The following NAV1 variants were observed in gnomAD, a reference collection of about 807,000 sequenced individuals.
NAV1 encodes neuron navigator 1, also known as pore membrane and/or filament interacting like protein 3.
Under a neutral mutation model 175.2 loss-of-function variants are expected in NAV1, and 18 were observed. The observed-to-expected ratio is 0.10, with a 90% confidence interval of 0.07 to 0.15. The LOEUF (loss-of-function observed/expected upper bound fraction) is 0.15. Ranked by LOEUF, NAV1 falls within the 10% of genes least tolerant of loss-of-function variation. The probability of loss-of-function intolerance (pLI) is 1.00; values close to 1 mark genes in which losing one functional copy is unlikely to be tolerated. For missense variants in NAV1, 1,731 were observed against 2,436.6 expected, an observed-to-expected ratio of 0.71 and a Z score of 6.10; for synonymous variants, 897 against 978.7, an observed-to-expected ratio of 0.92 and a Z score of 1.56.
At chr1:201,649,974 A>G (rs571118253) in intron 1 of NAV1, among the ~76,000 whole-genome samples, 4 of 152,206 alleles carry the variant, frequency 2.6e-5, no homozygotes, top group South Asian at 2.1e-4. Context: ...GATTCTGGCT[A>G]AAAGAAGCGT....
At chr1:201,744,693 A>G (rs1406497139) in intron 3 of NAV1, among the ~76,000 whole-genome samples, 1 of 152,146 alleles carries the variant, frequency 6.6e-6, no homozygotes, top group African/African-American at 2.4e-5. Flanking sequence ...AGGAGGCAGC[A>G]TTTTCTTTAG....
intron 2 of NAV1, among the ~76,000 whole-genome samples, chr1:201,612,070 C>A (rs1571845521): frequency 6.6e-6 from 1 of 152,108 alleles, no homozygotes; most frequent in Non-Finnish European, 1.5e-5. Flanking sequence ...ATATGTCTAT[C>A]TCTGTGTGTC....
chr1:201,744,310 ATG>A (rs1040725505), intron 3 of NAV1, among the ~76,000 whole-genome samples: 2 of 139,404 alleles, frequency 1.4e-5, no homozygotes, highest in African/African-American at 5.1e-5. Flanking sequence ...CTATGTATGT[ATG>A]TATGTATTTA....
upstream of NAV1, among the ~76,000 whole-genome samples, chr1:201,646,157 G>A (rs1668972179): frequency 6.6e-6 from 1 of 152,198 alleles, no homozygotes; most frequent in South Asian, 2.1e-4. Context: ...CACTCTCTGT[G>A]CCTTGGCCAA....
upstream of NAV1, among the ~76,000 whole-genome samples, chr1:201,622,343 T>C (rs1238672980): frequency 6.6e-6 from 1 of 152,146 alleles, no homozygotes; most frequent in Non-Finnish European, 1.5e-5. Context: ...CCCAGCAGCA[T>C]GTGGAAGAAG....
At chr1:201,706,527 T>C (rs1224137222) in intron 1 of NAV1, among the ~76,000 whole-genome samples, 1 of 152,126 alleles carries the variant, frequency 6.6e-6, no homozygotes, top group African/African-American at 2.4e-5. Flanking sequence ...GGCAGGCCCC[T>C]CCCCTCTGGA....
chr1:201,816,897 C>T (rs1204898422), intron 28 of NAV1, 191 bp from the exon 33 acceptor site: 2 of 583,138 alleles, frequency 3.4e-6, no homozygotes, highest in Non-Finnish European at 6.0e-6. Flanking sequence ...TGGTCTTGAA[C>T]TTCTGACCTC....
intron 13 of NAV1, chr1:201,792,727 A>G (rs1160546514): frequency 1.3e-5 from 2 of 152,254 alleles, no homozygotes; most frequent in Non-Finnish European, 2.9e-5. Flanking sequence ...TAATCTCCTC[A>G]GAGCCCAGGC....
chr1:201,588,834 A>ATT (rs1413710753), intron 2 of NAV1, among the ~76,000 whole-genome samples, 185 bp downstream of exon 2: 2 of 152,058 alleles, frequency 1.3e-5, no homozygotes, highest in African/African-American at 4.8e-5. Context: ...CAATTGTACA[A>ATT]TTTAAAAGAT....
chr1:201,593,336 C>T (rs983584476), intron 2 of NAV1, among the ~76,000 whole-genome samples: 2 of 152,188 alleles, frequency 1.3e-5, no homozygotes, highest in African/African-American at 4.8e-5. Context: ...TGGCCAGAGA[C>T]AACTTCCTCT....
chr1:201,744,038 C>T (rs754764778), intron 3 of NAV1, among the ~76,000 whole-genome samples: 1 of 151,884 alleles, frequency 6.6e-6, no homozygotes, highest in African/African-American at 2.4e-5. Flanking sequence ...GCATGCACCA[C>T]CATGCCCAGC....
chr1:201,695,573 A>G (rs6427917), intron 1 of NAV1, among the ~76,000 whole-genome samples: 118,219 of 152,198 alleles, frequency 0.78, 46,331 homozygotes, highest in East Asian at 0.93. Context: ...AATCTCTCTA[A>G]GGCATGTTTG....
chr1:201,598,503 T>G (rs538808625), intron 2 of NAV1, among the ~76,000 whole-genome samples: 1 of 152,262 alleles, frequency 6.6e-6, no homozygotes, highest in African/African-American at 2.4e-5. Context: ...GAGAACAAAG[T>G]GTGTGTCCTG....
At chr1:201,561,829 T>A (rs1384962750) in intron 1 of NAV1, among the ~76,000 whole-genome samples, 3 of 152,204 alleles carry the variant, frequency 2.0e-5, no homozygotes, top group Non-Finnish European at 4.4e-5. Context: ...CCCTGCAGGC[T>A]GGGGCTCTGT....
At chr1:201,776,338 A>G (rs1382662344) in intron 3 of NAV1, among the ~76,000 whole-genome samples, 1 of 142,830 alleles carries the variant, frequency 7.0e-6, no homozygotes, top group Non-Finnish European at 1.5e-5. Flanking sequence ...GACTCTACAA[A>G]AAAAAAAAAA....
exon 1 of NAV1, chr1:201,648,769 C>A (rs1669073141): frequency 7.1e-7 from 1 of 1,407,764 alleles, no homozygotes; most frequent in South Asian, 1.6e-5. Context: ...GGCAGGAAGG[C>A]GGCAGCGGCG....
intron 1 of NAV1, among the ~76,000 whole-genome samples, chr1:201,656,519 A>G (rs1212079549): frequency 6.6e-6 from 1 of 152,216 alleles, no homozygotes; most frequent in Non-Finnish European, 1.5e-5. Flanking sequence ...CCTTGGGCTG[A>G]GCAGGAAGAT....
intron 1 of NAV1, among the ~76,000 whole-genome samples, chr1:201,546,562 AT>A (rs1217484736): frequency 1.3e-5 from 2 of 152,180 alleles, no homozygotes; most frequent in East Asian, 3.9e-4. Flanking sequence ...ATTTTGCTAG[AT>A]TGCTCTGTAT....
chr1:201,665,184 T>G (rs1669766631), intron 1 of NAV1, among the ~76,000 whole-genome samples: 1 of 145,724 alleles, frequency 6.9e-6, no homozygotes. Context: ...TGCCCCACCA[T>G]TCTCCCAGCT....
Sources: gnomAD v4.1 joint callset for allele counts (sites outside exome capture counted in the v4.1 genomes callset) on GRCh38, gnomAD v4.1.1 for gene constraint, MANE v1.5 for transcripts, NCBI Gene and HGNC (gene_info 2026-07-23, HGNC 2026-07-21) for gene names.